DNAJC1: variants seen among roughly 807,000 people sequenced by gnomAD.
DNAJC1 encodes the protein DnaJ heat shock protein family (Hsp40) member C1.
DNAJC1 carries 58 observed loss-of-function variants against 76.6 expected under a neutral mutation model. The ratio of observed to expected loss-of-function variants is 0.76; its 90% CI spans 0.61 to 0.94. The LOEUF (loss-of-function observed/expected upper bound fraction) is 0.94, where lower values mean the gene tolerates loss of function less well. Among genes scored for constraint, DNAJC1 ranks in the 40% least tolerant of loss-of-function variants. DNAJC1 has a pLI of 0.00. For synonymous variants in DNAJC1, 258 were observed against 267.9 expected, an observed-to-expected ratio of 0.96 and a Z score of 0.36; for missense variants, 689 against 677.3, an observed-to-expected ratio of 1.02 and a Z score of -0.19.
At chr10:21,897,838 CA>C (rs1836568443) in intron 7 of DNAJC1, among the ~76,000 whole-genome samples, 1 of 152,226 alleles carries the variant, frequency 6.6e-6, no homozygotes, top group Non-Finnish European at 1.5e-5. Context: ...ACTCCCACCA[CA>C]CTTTGTTGTA....
At chr10:21,948,878 A>G in intron 1 of DNAJC1, among the ~76,000 whole-genome samples, 1 of 152,202 alleles carries the variant, frequency 6.6e-6, no homozygotes, top group Non-Finnish European at 1.5e-5. Context: ...TCTCAGCTTC[A>G]TGCTTCACTC....
chr10:21,902,419 C>T (rs539693690), intron 7 of DNAJC1, among the ~76,000 whole-genome samples: 1 of 152,254 alleles, frequency 6.6e-6, no homozygotes, highest in East Asian at 1.9e-4. Context: ...ATTCTCCTGC[C>T]TCAGCCTCCC....
At chr10:21,851,347 C>T (rs1470947777) in intron 8 of DNAJC1, among the ~76,000 whole-genome samples, 1 of 151,894 alleles carries the variant, frequency 6.6e-6, no homozygotes. Context: ...CAACAAATGG[C>T]CAAAAAACAT....
At chr10:21,918,239 T>C (rs1251066487) in intron 6 of DNAJC1, among the ~76,000 whole-genome samples, 7 of 151,914 alleles carry the variant, frequency 4.6e-5, no homozygotes, top group Non-Finnish European at 7.4e-5. Flanking sequence ...ATCCACATTT[T>C]ATTATTTAAT....
At chr10:21,940,948 A>C (rs1837396510) in intron 1 of DNAJC1, among the ~76,000 whole-genome samples, 1 of 151,954 alleles carries the variant, frequency 6.6e-6, no homozygotes, top group Non-Finnish European at 1.5e-5. Context: ...TATAATAAAG[A>C]GATTTAAGAG....
chr10:21,833,536 GA>G (rs1480700335), intron 8 of DNAJC1, among the ~76,000 whole-genome samples: 11 of 152,126 alleles, frequency 7.2e-5, no homozygotes, highest in Admixed American at 3.9e-4. Context: ...AAGTGGGTGT[GA>G]ATCACGGCTA....
At chr10:21,970,719 C>G (rs181829152) in intron 1 of DNAJC1, among the ~76,000 whole-genome samples, 1 of 151,850 alleles carries the variant, frequency 6.6e-6, no homozygotes, top group Non-Finnish European at 1.5e-5. Flanking sequence ...GCTACTCCCA[C>G]AAAAATATTC....
rs183150925 is a variant in DNAJC1 at position 21,928,221 on chromosome 10, C to T, written c.371+285G>A. 2.2e-3 allele frequency among the ~76,000 whole-genome samples: 338 copies of T among 152,250 alleles called. 3 individuals are homozygous for T. The highest frequency in any genetic ancestry group is 7.6e-3 in the African/African-American group (317 of 41,562). On this transcript the variant is annotated intron_variant, in intron 3 of 11. Coordinates refer to ENST00000376980, the MANE Select transcript of DNAJC1 (RefSeq NM_022365.4). ...ATTTGAATTCAGGCAGTATTTGTAT[C>T]TCCCAGGGCATAAACACTCATGTTA...
chr10:21,934,706 T>G (rs560837872), intron 1 of DNAJC1, among the ~76,000 whole-genome samples: 1 of 152,194 alleles, frequency 6.6e-6, no homozygotes, highest in South Asian at 2.1e-4. Flanking sequence ...TTATACCATA[T>G]AGCCTAGGTT....
chr10:21,950,357 C>T (rs1042651686), intron 1 of DNAJC1, among the ~76,000 whole-genome samples: 4 of 152,142 alleles, frequency 2.6e-5, no homozygotes, highest in East Asian at 1.9e-4. Context: ...TGGGGAGTCA[C>T]GAACCATGTC....
chr10:21,950,083 C>T (rs945149966), intron 1 of DNAJC1, among the ~76,000 whole-genome samples: 9 of 151,794 alleles, frequency 5.9e-5, no homozygotes, highest in Non-Finnish European at 1.2e-4. Flanking sequence ...GTTGCCCAGG[C>T]TGGAGTGCAG....
At chr10:21,942,705 C>T (rs1037305307) in intron 1 of DNAJC1, among the ~76,000 whole-genome samples, 2 of 149,916 alleles carry the variant, frequency 1.3e-5, no homozygotes, top group Non-Finnish European at 3.0e-5. Context: ...ACTCAGGATG[C>T]TGAGGCAGGA....
chr10:21,882,566 G>A (rs1218569571), intron 7 of DNAJC1, 127 bp from the exon 8 acceptor site: 1 of 644,790 alleles, frequency 1.6e-6, no homozygotes, highest in East Asian at 3.4e-5. Context: ...ATAAATAATT[G>A]GCTATAACTT....
rs368058557 is a variant in DNAJC1 at position 21,845,765 on chromosome 10, TA to T, written c.978+36516del. 3.8e-3 allele frequency among the ~76,000 whole-genome samples: 582 copies of T among 152,152 alleles called. 5 individuals carry two copies. The highest frequency in any genetic ancestry group is 0.013 in the African/African-American group (546 of 41,496). ...TTGTTTTAATGCAGAAAATAATTAT[TA>T]AAAAAACACTCTGGTAATCTGATAG... On this transcript the variant is annotated intron_variant, in intron 8 of 11. Transcript: ENST00000376980.
At chr10:21,846,159 G>A (rs1835656446) in intron 8 of DNAJC1, among the ~76,000 whole-genome samples, 2 of 152,156 alleles carry the variant, frequency 1.3e-5, no homozygotes, top group African/African-American at 4.8e-5. Context: ...ATCTCACATA[G>A]TTGATGTAAG....
At chr10:21,948,091 C>CT (rs781055896) in intron 1 of DNAJC1, among the ~76,000 whole-genome samples, 2,828 of 134,818 alleles carry the variant, frequency 0.021, 44 homozygotes, top group Middle Eastern at 0.052. Context: ...TCCTTGCAGT[C>CT]TTTTTTTTTT....
Position 21,922,431 on chromosome 10 carries a change from C to T in DNAJC1, c.372-1468G>A, listed in dbSNP as rs1169987324. On this transcript the variant is annotated intron_variant, in intron 3 of 11. Transcript: ENST00000376980. ...AATAACCAATGTTGAAAGCAAAGGA[C>T]ATTAATTAGTACTAAACTCTTAAAA... Among the ~76,000 whole-genome samples, 4 of 151,982 alleles carry T rather than the reference C, an allele frequency of 2.6e-5. No individual in the cohort carries two copies. In the East Asian group the frequency reaches 7.7e-4, roughly 29 times the overall value.
intron 6 of DNAJC1, among the ~76,000 whole-genome samples, chr10:21,916,051 T>C (rs1409266330): frequency 6.6e-6 from 1 of 152,126 alleles, no homozygotes; most frequent in African/African-American, 2.4e-5. Context: ...ATGAAAGACT[T>C]GGAGAAAACC....
intron 1 of DNAJC1, among the ~76,000 whole-genome samples, chr10:21,951,959 A>C (rs986745562): frequency 2.6e-5 from 4 of 152,242 alleles, no homozygotes; most frequent in Non-Finnish European, 5.9e-5. Flanking sequence ...ATAAAGCAAC[A>C]CATGGCTTTC....
Sources: gnomAD v4.1 joint callset for allele counts (sites outside exome capture counted in the v4.1 genomes callset) on GRCh38, gnomAD v4.1.1 for gene constraint, MANE v1.5 for transcripts, NCBI Gene and HGNC (gene_info 2026-07-23, HGNC 2026-07-21) for gene names.